Variants in ABI3 observed in about 807,000 individuals in gnomAD.
ABI3 encodes the protein ABI gene family member 3.
In ABI3, 24 loss-of-function variants were observed where a neutral mutation model predicts 37.0. The ratio of observed to expected loss-of-function variants is 0.65; its 90% confidence interval spans 0.47 to 0.91. The LOEUF (loss-of-function observed/expected upper bound fraction) is 0.91, where lower values mean the gene tolerates loss of function less well. Among genes scored for constraint, ABI3 ranks in the 40% least tolerant of loss-of-function variants. ABI3 has a pLI of 0.00. For synonymous variants in ABI3, 220 were observed against 211.8 expected (o/e 1.04, Z -0.34); for missense variants, 481 against 485.1 (o/e 0.99, Z 0.08).
intron 6 of ABI3, among the ~76,000 whole-genome samples, chr17:49,220,652 C>T (rs1177517733): frequency 6.6e-6 from 1 of 152,024 alleles, no homozygotes; most frequent in Non-Finnish European, 1.5e-5. Flanking sequence ...CGAGACCAGC[C>T]TGACCAAAAT....
chr17:49,221,908 AG>A (rs1204070968), intron 6 of ABI3, among the ~76,000 whole-genome samples, 182 bp from the exon 7 acceptor site: 2 of 152,176 alleles, frequency 1.3e-5, no homozygotes, highest in Non-Finnish European at 2.9e-5. Context: ...TAGTAGAGAC[AG>A]GGTTTCACCA....
intron 1 of ABI3, 125 bp from the exon 2 acceptor site, chr17:49,216,406 C>T: frequency 1.2e-6 from 1 of 865,438 alleles, no homozygotes; most frequent in Non-Finnish European, 1.6e-6. Flanking sequence ...CCTCAAACAT[C>T]TAAGGGTTGC....
At position 49,219,431 on chromosome 17, in the gene ABI3, G is replaced by T. The variant is rs2043254883; in HGVS notation, c.463-109G>T. 3 of 938,718 alleles carry T rather than the reference G, an allele frequency of 3.2e-6. No individual in the cohort carries two copies. In the East Asian group the frequency reaches 8.0e-5, roughly 25 times the overall value. 58.1% of individuals were successfully genotyped at this position (938,718 alleles called of 1,614,324 possible). A position where few individuals can be genotyped will look rare whatever the true frequency, so the allele number is the denominator to read the frequency against. On this transcript the variant is annotated intron_variant, in intron 3 of 7. Coordinates refer to ENST00000225941, the MANE Select transcript of ABI3 (RefSeq NM_016428.3). The surrounding 1 kb of genome is among the most constrained non-coding windows in gnomAD (Gnocchi z 4.3). Reference sequence around the variant, plus strand: ...GTGGAAGTGGGAACTGGCTATGCCGGGCTCTCCCTCCCGGTTCCCGTCCGC... The same window carrying T: ...GTGGAAGTGGGAACTGGCTATGCCGTGCTCTCCCTCCCGGTTCCCGTCCGC...
intron 1 of ABI3, among the ~76,000 whole-genome samples, chr17:49,213,295 C>A (rs540180384): frequency 6.6e-6 from 1 of 152,308 alleles, no homozygotes; most frequent in South Asian, 2.1e-4. Context: ...GAAGCCCTGA[C>A]CCAAGTTGGA....
In ABI3 at chr17:49,222,713, T is replaced by G; in HGVS notation, c.1099T>G (p.Ter367GlyextTer17). ...FPGNYVEPSC[*>G] ...TGGGAACTATGTGGAGCCCAGCTGC[T>G]GACAGCCCAGGGCTCTCTGGGCAGC... The change falls in exon 8 of 8, where the codon TGA becomes GGA. Residue 367 changes from the stop codon to glycine, a stop_lost. Transcript: ENST00000225941. 1 of 1,563,490 alleles carries G rather than the reference T, an allele frequency of 6.4e-7. No homozygotes were observed. The highest frequency in any genetic ancestry group is 8.7e-7 in the Non-Finnish European group (1 of 1,154,556).
chr17:49,219,401 G>A lies in ABI3; in HGVS notation c.463-139G>A. 1 of 701,162 alleles carries A rather than the reference G, an allele frequency of 1.4e-6. No homozygotes were observed. The highest frequency in any genetic ancestry group is 1.8e-5 in the South Asian group (1 of 54,356). The allele number at this position is 701,162 out of a possible 1,614,324, so 43.4% of individuals were successfully genotyped here. On this transcript the variant is annotated intron_variant, in intron 3 of 7. Transcript: ENST00000225941. This position sits in a 1 kb window ranked among gnomAD's most constrained non-coding sequence, Gnocchi z 4.3. ...TGGGGGAAGTGTAGGAGAGGGGCCT[G>A]AGAAGTGGAAGTGGGAACTGGCTAT...
At chr17:49,217,598 C>T (rs1046624785) in intron 2 of ABI3, 141 bp from the exon 3 acceptor site, 37 of 642,460 alleles carry the variant, frequency 5.8e-5, no homozygotes, top group Middle Eastern at 4.2e-4. Flanking sequence ...TGGTGGGGGG[C>T]GGGGGGCGGG....
rs759026836 is a variant in ABI3 at position 49,219,848 on chromosome 17, C to A, written c.549-10C>A. On this transcript the variant is annotated splice_polypyrimidine_tract_variant and intron_variant, in intron 4 of 7. Transcript: ENST00000225941. The surrounding 1 kb of genome is among the most constrained non-coding windows in gnomAD (Gnocchi z 4.3). ...CTTCCTCCTAATACCCACTCCCTGC[C>A]CCCCGCCAGGAGACCACCCCGGATT... The A allele has an allele frequency of 5.2e-6, 8 of 1,540,390 alleles. No individual in the cohort carries two copies. Among genetic ancestry groups the A allele is most frequent in the Non-Finnish European group, 6.1e-6 (7 of 1,147,740 alleles).
intron 1 of ABI3, among the ~76,000 whole-genome samples, chr17:49,214,326 C>G (rs1366876117): frequency 6.6e-6 from 1 of 152,180 alleles, no homozygotes; most frequent in Non-Finnish European, 1.5e-5. Flanking sequence ...AACTCCATGA[C>G]CCGACCAGAG....
intron 3 of ABI3, 64 bp downstream of exon 3, chr17:49,217,979 C>T (rs547638354): frequency 1.4e-6 from 2 of 1,438,286 alleles, no homozygotes; most frequent in East Asian, 2.7e-5. Context: ...GCCCCTTTCC[C>T]TCCAGAACCC....
intron 2 of ABI3, among the ~76,000 whole-genome samples, chr17:49,217,243 G>A (rs1417468672): frequency 6.6e-6 from 1 of 152,144 alleles, no homozygotes; most frequent in African/African-American, 2.4e-5. Flanking sequence ...CACATGTTCA[G>A]TGGGTGGGGT....
intron 1 of ABI3, among the ~76,000 whole-genome samples, chr17:49,215,272 T>C (rs1598239922): frequency 6.6e-6 from 1 of 151,688 alleles, no homozygotes; most frequent in Admixed American, 6.6e-5. Context: ...GGGGGAGTGG[T>C]GAAGTTGGAT....
intron 1 of ABI3, among the ~76,000 whole-genome samples, chr17:49,211,167 C>A (rs1306886158): frequency 6.6e-6 from 1 of 152,200 alleles, no homozygotes; most frequent in South Asian, 2.1e-4. Flanking sequence ...CCAAAGCCTC[C>A]GTCCTCACAC....
intron 3 of ABI3, among the ~76,000 whole-genome samples, chr17:49,218,730 A>C (rs1376858110): frequency 6.6e-6 from 1 of 150,916 alleles, no homozygotes; most frequent in Non-Finnish European, 1.5e-5. Context: ...CAGCCTCCCA[A>C]GTAGCTGGGA....
intron 1 of ABI3, among the ~76,000 whole-genome samples, chr17:49,215,012 A>G (rs1202327286): frequency 6.6e-6 from 1 of 152,250 alleles, no homozygotes; most frequent in Non-Finnish European, 1.5e-5. Flanking sequence ...AAAAATACAT[A>G]GAGAATGTTT....
At position 49,222,936 on chromosome 17, in the gene ABI3, G is replaced by A. The variant is rs2043309311; in HGVS notation, c.*221G>A. On this transcript the variant is annotated 3_prime_UTR_variant, in exon 8 of 8. Transcript: ENST00000225941. Reference sequence around the variant, plus strand: ...GGAAGAGCTGGAAACCAAGAAGTTTGTCAACAGAGGACCCCTACTCCATGC... The same window carrying A: ...GGAAGAGCTGGAAACCAAGAAGTTTATCAACAGAGGACCCCTACTCCATGC... 1.7e-6 allele frequency: 1 copy of A among 597,528 alleles called. No individual in the cohort carries two copies. Among genetic ancestry groups the A allele is most frequent in the South Asian group, 2.2e-5 (1 of 45,482 alleles). 37.0% of individuals were successfully genotyped at this position (597,528 alleles called of 1,614,324 possible).
chr17:49,221,958 A>T (rs1172101972), intron 6 of ABI3, 133 bp from the exon 7 acceptor site: 2 of 1,251,628 alleles, frequency 1.6e-6, no homozygotes, highest in Non-Finnish European at 2.1e-6. Context: ...GCCTCAGGTG[A>T]TCTGCCCGCC....
chr17:49,222,407 G>C, intron 7 of ABI3, 145 bp from the exon 8 acceptor site: 1 of 1,345,554 alleles, frequency 7.4e-7, no homozygotes, highest in South Asian at 1.4e-5. Flanking sequence ...CTAAGCTGGG[G>C]AGGGGTCCTG....
chr17:49,218,770 A>ATTTTTTTTTTTTTT (rs71144583), intron 3 of ABI3, among the ~76,000 whole-genome samples: 30 of 131,770 alleles, frequency 2.3e-4, no homozygotes, highest in African/African-American at 8.4e-4. Flanking sequence ...TGCCCGGCTA[A>ATTTTTTTTTTTTTT]TTTTTTTTTT....
Sources: allele counts gnomAD v4.1 joint callset (sites outside exome capture counted in the v4.1 genomes callset), GRCh38; gene constraint gnomAD v4.1.1; non-coding constraint Gnocchi (gnomAD v3.1); transcripts MANE v1.5; gene names NCBI Gene and HGNC (gene_info 2026-07-23, HGNC 2026-07-21).